GPC5: variants seen among roughly 807,000 people sequenced by gnomAD.
GPC5 encodes the protein glypican-5.
A neutral mutation model predicts 53.9 loss-of-function variants in GPC5; 47 were observed. The ratio of observed to expected loss-of-function variants is 0.87; its 90% CI spans 0.69 to 1.11. GPC5 has a LOEUF of 1.11. Among genes scored for constraint, GPC5 ranks in the 50% most tolerant of loss-of-function variants. GPC5 has a pLI of 0.00. For missense variants in GPC5, 748 were observed against 713.1 expected, an observed-to-expected ratio of 1.05 and a Z score of -0.56; for synonymous variants, 286 against 263.3, an observed-to-expected ratio of 1.09 and a Z score of -0.84.
chr13:92,051,300 C>G (rs2041026716), intron 6 of GPC5, among the ~76,000 whole-genome samples: 2 of 145,800 alleles, frequency 1.4e-5, no homozygotes, highest in Admixed American at 1.4e-4. Context: ...CTCCCGGGTT[C>G]AAGTGATTCT....
chr13:92,188,199 T>A (rs1001188765), intron 7 of GPC5, among the ~76,000 whole-genome samples: 3 of 152,188 alleles, frequency 2.0e-5, no homozygotes, highest in African/African-American at 7.2e-5. Context: ...TTTAAAAAAA[T>A]TCCTGAGACA....
chr13:91,990,375 A>G (rs1325365289), intron 6 of GPC5, among the ~76,000 whole-genome samples: 1 of 151,984 alleles, frequency 6.6e-6, no homozygotes. Flanking sequence ...TCTAAACCTC[A>G]GTTTTCTCGT....
At chr13:91,753,307 AGGT>A (rs1244301530) in intron 4 of GPC5, among the ~76,000 whole-genome samples, 3 of 152,222 alleles carry the variant, frequency 2.0e-5, no homozygotes, top group African/African-American at 7.2e-5. Context: ...GACACTGAGA[AGGT>A]GAGATTTCCC....
At chr13:92,093,807 A>G (rs1323605657) in intron 6 of GPC5, among the ~76,000 whole-genome samples, 1 of 152,232 alleles carries the variant, frequency 6.6e-6, no homozygotes, top group Non-Finnish European at 1.5e-5. Flanking sequence ...AAAATGAATC[A>G]CTGAGAGTAA....
chr13:92,259,870 T>C (rs1042252517), intron 7 of GPC5, among the ~76,000 whole-genome samples: 10 of 152,132 alleles, frequency 6.6e-5, no homozygotes, highest in Admixed American at 2.6e-4. Flanking sequence ...TCAGGCTCTA[T>C]CACCCTCTAA....
intron 6 of GPC5, among the ~76,000 whole-genome samples, chr13:91,971,492 T>C (rs1158483369): frequency 6.6e-6 from 1 of 152,236 alleles, no homozygotes; most frequent in Non-Finnish European, 1.5e-5. Context: ...TTTAGTTATT[T>C]CTTGCTTTGT....
At chr13:91,593,191 CT>C (rs1231967228) in intron 2 of GPC5, among the ~76,000 whole-genome samples, 1 of 152,134 alleles carries the variant, frequency 6.6e-6, no homozygotes, top group African/African-American at 2.4e-5. Context: ...TGTTCAGGTC[CT>C]GGAACTACCC....
intron 7 of GPC5, among the ~76,000 whole-genome samples, chr13:92,376,612 G>T (rs1304972862): frequency 6.6e-6 from 1 of 152,166 alleles, no homozygotes; most frequent in Non-Finnish European, 1.5e-5. Context: ...TTCTAAAGGA[G>T]AGTTTAAGTT....
intron 7 of GPC5, among the ~76,000 whole-genome samples, chr13:92,449,744 G>A (rs1302917994): frequency 2.0e-5 from 3 of 151,980 alleles, no homozygotes; most frequent in Non-Finnish European, 4.4e-5. Context: ...ATTCTGACTT[G>A]AGTATTACAC....
intron 1 of GPC5, among the ~76,000 whole-genome samples, chr13:91,416,499 T>A (rs1878238618): frequency 6.8e-6 from 1 of 147,844 alleles, no homozygotes; most frequent in East Asian, 2.0e-4. Context: ...AGGGTACATG[T>A]GCACAAAGTG....
intron 5 of GPC5, among the ~76,000 whole-genome samples, chr13:91,847,020 C>T (rs1357013696): frequency 1.3e-5 from 2 of 151,744 alleles, no homozygotes; most frequent in Admixed American, 6.6e-5. Flanking sequence ...GAGATCGAGA[C>T]CATCCTGGCT....
chr13:92,288,459 G>C (rs1449348818), intron 7 of GPC5, among the ~76,000 whole-genome samples: 1 of 152,144 alleles, frequency 6.6e-6, no homozygotes, highest in African/African-American at 2.4e-5. Flanking sequence ...TGTCCAAACT[G>C]TTTTCATAAG....
chr13:92,458,582 G>A (rs1878365386), intron 7 of GPC5, among the ~76,000 whole-genome samples: 1 of 151,954 alleles, frequency 6.6e-6, no homozygotes, highest in Admixed American at 6.6e-5. Context: ...TCAGGCGTGA[G>A]CTACCGTGCC....
chr13:92,797,542 T>A (rs1234336969), intron 7 of GPC5, among the ~76,000 whole-genome samples: 1 of 151,846 alleles, frequency 6.6e-6, no homozygotes, highest in Non-Finnish European at 1.5e-5. Flanking sequence ...GGTTTGGAGA[T>A]CAGAAAAACC....
chr13:92,445,362 T>C (rs1877767199), intron 7 of GPC5, among the ~76,000 whole-genome samples: 1 of 151,390 alleles, frequency 6.6e-6, no homozygotes, highest in Non-Finnish European at 1.5e-5. Flanking sequence ...ATGTGCACAT[T>C]GTGCAGGTTA....
chr13:92,328,013 T>C (rs1485581402), intron 7 of GPC5, among the ~76,000 whole-genome samples: 1 of 152,176 alleles, frequency 6.6e-6, no homozygotes, highest in African/African-American at 2.4e-5. Context: ...AATGTACTTT[T>C]TGGAAATGTT....
At chr13:91,768,445 C>CTGA (rs2037563593) in intron 5 of GPC5, among the ~76,000 whole-genome samples, 1 of 152,146 alleles carries the variant, frequency 6.6e-6, no homozygotes, top group Non-Finnish European at 1.5e-5. Flanking sequence ...ATGTATAAAA[C>CTGA]TGATTAAAGA....
intron 5 of GPC5, among the ~76,000 whole-genome samples, chr13:91,893,689 G>A (rs1236580209): frequency 2.6e-5 from 4 of 152,160 alleles, no homozygotes; most frequent in Middle Eastern, 3.4e-3. Context: ...GACCCCTATA[G>A]ATAGTCTTAC....
intron 7 of GPC5, among the ~76,000 whole-genome samples, chr13:92,172,970 A>G (rs1341234582): frequency 6.6e-6 from 1 of 151,084 alleles, no homozygotes; most frequent in Admixed American, 6.6e-5. Flanking sequence ...CCTGTTAACA[A>G]TATAAGAAAC....
Sources: allele counts gnomAD v4.1 joint callset (sites outside exome capture counted in the v4.1 genomes callset), GRCh38; gene constraint gnomAD v4.1.1; transcripts MANE v1.5; gene names NCBI Gene and HGNC (gene_info 2026-07-23, HGNC 2026-07-21).